The following ADGRL4 variants were observed in gnomAD, a reference collection of about 807,000 sequenced individuals.
The protein encoded by ADGRL4 is adhesion G protein-coupled receptor L4.
A neutral mutation model predicts 74.8 loss-of-function variants in ADGRL4; 90 were observed. The observed-to-expected ratio is 1.20, with a 90% CI of 1.02 to 1.43. ADGRL4 has a LOEUF of 1.43. ADGRL4 is among the 40% of genes most tolerant of loss of function. The probability of loss-of-function intolerance (pLI) is 0.00; values close to 1 mark genes in which losing one functional copy is unlikely to be tolerated. For synonymous variants in ADGRL4, 311 were observed against 279.2 expected (o/e 1.11, Z -1.14); for missense variants, 881 against 814.3 (o/e 1.08, Z -1.00).
Position 78,937,796 on chromosome 1 carries a change from T to C in ADGRL4, c.760+11A>G. 6.3e-7 allele frequency: 1 copy of C among 1,594,918 alleles called. No homozygotes were observed. Among genetic ancestry groups the C allele is most frequent in the Admixed American group, 1.8e-5 (1 of 54,308 alleles). ...AACACAATTACTTTTAAATGGACCCTTGTTTCTTACCTATATCCGTTGAAT... is the reference window on the plus strand; with the variant it reads ...AACACAATTACTTTTAAATGGACCCCTGTTTCTTACCTATATCCGTTGAAT... On this transcript the variant is annotated intron_variant, in intron 6 of 14. Transcript: ENST00000370742.
chr1:78,974,769 C>T (rs1376069167), intron 2 of ADGRL4, among the ~76,000 whole-genome samples: 1 of 152,148 alleles, frequency 6.6e-6, no homozygotes, highest in Non-Finnish European at 1.5e-5. Flanking sequence ...GAATCTTTCT[C>T]ATATCACCTC....
chr1:78,942,870 C>T (rs534921438), intron 3 of ADGRL4, among the ~76,000 whole-genome samples: 3 of 151,908 alleles, frequency 2.0e-5, no homozygotes, highest in Non-Finnish European at 4.4e-5. Flanking sequence ...TTCCAGGCTG[C>T]AGTGAGCCAT....
chr1:78,983,325 G>A (rs1292805549), intron 2 of ADGRL4, among the ~76,000 whole-genome samples: 2 of 151,668 alleles, frequency 1.3e-5, no homozygotes, highest in Non-Finnish European at 2.9e-5. Flanking sequence ...ATTGGATATA[G>A]AATACAAGGT....
chr1:78,950,600 G>A (rs1291435492), intron 2 of ADGRL4, among the ~76,000 whole-genome samples: 1 of 152,120 alleles, frequency 6.6e-6, no homozygotes, highest in Non-Finnish European at 1.5e-5. Context: ...AAATATTTAG[G>A]TGTTACGAGT....
At chr1:78,979,628 G>T (rs1055294302) in intron 2 of ADGRL4, among the ~76,000 whole-genome samples, 6 of 151,870 alleles carry the variant, frequency 4.0e-5, no homozygotes, top group Non-Finnish European at 4.4e-5. Context: ...ATTTGAAATT[G>T]CAGAGATATA....
intron 12 of ADGRL4, among the ~76,000 whole-genome samples, chr1:78,914,466 G>A (rs1648828708): frequency 6.6e-6 from 1 of 151,734 alleles, no homozygotes; most frequent in South Asian, 2.1e-4. Context: ...TAAAGCATAG[G>A]ATGCAAATTC....
At chr1:78,953,372 G>T (rs904178493) in intron 2 of ADGRL4, among the ~76,000 whole-genome samples, 1 of 151,928 alleles carries the variant, frequency 6.6e-6, no homozygotes, top group Non-Finnish European at 1.5e-5. Flanking sequence ...ATTCAATGGG[G>T]AAAATTAAAT....
At chr1:78,918,605 C>T (rs1001412473) in intron 10 of ADGRL4, among the ~76,000 whole-genome samples, 1 of 151,834 alleles carries the variant, frequency 6.6e-6, no homozygotes, top group Admixed American at 6.6e-5. Context: ...ATGGCTTTCA[C>T]TTAAACATAC....
intron 2 of ADGRL4, among the ~76,000 whole-genome samples, chr1:78,951,920 T>A (rs1649730532): frequency 6.6e-6 from 1 of 152,178 alleles, no homozygotes; most frequent in Non-Finnish European, 1.5e-5. Context: ...AGTCCCCTAG[T>A]AATGAAACAT....
intron 2 of ADGRL4, among the ~76,000 whole-genome samples, chr1:78,985,819 A>T (rs778324414): frequency 1.3e-5 from 2 of 151,876 alleles, no homozygotes; most frequent in Non-Finnish European, 2.9e-5. Context: ...TGTGGTATAT[A>T]CACACTATGG....
In ADGRL4 at chr1:79,005,085, C is replaced by A. The variant is rs1650931192; in HGVS notation, c.157G>T (p.Val53Phe). 1 of 1,611,882 alleles carries A rather than the reference C, an allele frequency of 6.2e-7. No individual in the cohort carries two copies. Among genetic ancestry groups the A allele is most frequent in the Admixed American group, 1.7e-5 (1 of 59,616 alleles). Residue 53 changes from valine to phenylalanine, a missense_variant, in exon 2 of 15, where the codon GTC (valine) becomes TTC (phenylalanine). Val to Phe is a conservative substitution (Grantham distance 50). Transcript: ENST00000370742. The part of the protein sequence containing the change: ...YCNMGFSGNG[V>F]TICEDDNECG... ...GCTTGTTTACCTTCACAAATTGTGA[C>A]ACCATTTCCTGAAAATCCCATGTTG...
intron 12 of ADGRL4, among the ~76,000 whole-genome samples, chr1:78,915,132 C>T (rs1177834438): frequency 1.3e-5 from 2 of 151,866 alleles, no homozygotes; most frequent in African/African-American, 4.8e-5. Flanking sequence ...TATAGAATAG[C>T]TCAAGTCTTT....
rs754553625 is a variant in ADGRL4, at chr1:78,936,266, T to C, written c.877+29A>G. On this transcript the variant is annotated intron_variant, in intron 7 of 14. Coordinates refer to ENST00000370742, the MANE Select transcript of ADGRL4 (RefSeq NM_022159.4). ...AATATTTATTGCAAATTCATTGATA[T>C]ATTGTCTGTTAGATTGTTAAAGTCC... 3 of 1,573,462 alleles carry C rather than the reference T, an allele frequency of 1.9e-6. No individual in the cohort carries two copies. The South Asian group carries it at 3.5e-5, about 18-fold the overall frequency.
rs1378393208 is a variant in ADGRL4 at position 78,891,679 on chromosome 1, C to G, written c.1855G>C (p.Gly619Arg). The change falls in exon 14 of 15, where the codon GGA (glycine) becomes CGA (arginine). Residue 619 changes from glycine to arginine, a missense_variant. By Grantham distance (125) the Gly-to-Arg change is moderately radical. Transcript: ENST00000370742. ...AGAAGGAACAGAAGAGCGAGGGCTC[C>G]TCTTGCACAAGACCTATCACATATG... ...CFENIRSCAR[G>R]ALALLFLLGT... 1 of 1,611,504 alleles carries G rather than the reference C, an allele frequency of 6.2e-7. No homozygotes were observed. Among genetic ancestry groups the G allele is most frequent in the Admixed American group, 1.7e-5 (1 of 59,622 alleles).
intron 2 of ADGRL4, among the ~76,000 whole-genome samples, chr1:78,961,392 C>G (rs1312552762): frequency 6.6e-6 from 1 of 152,088 alleles, no homozygotes; most frequent in Non-Finnish European, 1.5e-5. Flanking sequence ...CCGCCCACCT[C>G]GACCTCCCAA....
chr1:78,892,219 T>G (rs1648296103), intron 13 of ADGRL4, among the ~76,000 whole-genome samples: 1 of 152,194 alleles, frequency 6.6e-6, no homozygotes, highest in Non-Finnish European at 1.5e-5. Flanking sequence ...TGTTTTATTT[T>G]GTTTTGCTTT....
In ADGRL4 at chr1:78,891,000, A is replaced by G. The variant is rs1648258432; in HGVS notation, c.*154T>C. On this transcript the variant is annotated 3_prime_UTR_variant, in exon 15 of 15. Coordinates refer to ENST00000370742, the MANE Select transcript of ADGRL4 (RefSeq NM_022159.4). ...TACATAATTTTACCTTATTATCTAC[A>G]GTTCCTATAGCATAAACAGAAAAAC... 1 of 726,980 alleles carries G rather than the reference A, an allele frequency of 1.4e-6. No homozygotes were observed. Among genetic ancestry groups the G allele is most frequent in the African/African-American group, 1.8e-5 (1 of 56,346 alleles). 45.0% of individuals were successfully genotyped at this position (726,980 alleles called of 1,614,324 possible).
chr1:78,993,925 T>C (rs1650665127), intron 2 of ADGRL4, among the ~76,000 whole-genome samples: 1 of 152,074 alleles, frequency 6.6e-6, no homozygotes, highest in Admixed American at 6.6e-5. Context: ...AGAATTTTTG[T>C]GAAAAAATCA....
At chr1:78,951,162 C>A (rs552283497) in intron 2 of ADGRL4, among the ~76,000 whole-genome samples, 18 of 152,248 alleles carry the variant, frequency 1.2e-4, no homozygotes, top group African/African-American at 4.3e-4. Context: ...TCTAACTCCC[C>A]AGGTTCCATC....
Sources: gnomAD v4.1 joint callset for allele counts (sites outside exome capture counted in the v4.1 genomes callset) on GRCh38, gnomAD v4.1.1 for gene constraint, MANE v1.5 for transcripts, NCBI Gene and HGNC (gene_info 2026-07-23, HGNC 2026-07-21) for gene names.